The following IAH1 variants were observed in gnomAD, a reference collection of about 807,000 sequenced individuals.
IAH1 encodes isoamyl acetate-hydrolyzing esterase 1 homolog.
In IAH1, 24 loss-of-function variants were observed where a neutral mutation model predicts 26.7. The observed-to-expected ratio is 0.90, with a 90% CI of 0.65 to 1.26. The LOEUF (loss-of-function observed/expected upper bound fraction) is 1.26. IAH1 is among the 50% of genes most tolerant of loss of function. The probability of loss-of-function intolerance (pLI) is 0.00; values close to 1 mark genes in which losing one functional copy is unlikely to be tolerated. For missense variants in IAH1, 300 were observed against 299.9 expected, an observed-to-expected ratio of 1.00 and a Z score of 0.00; for synonymous variants, 140 against 118.5, an observed-to-expected ratio of 1.18 and a Z score of -1.18.
chr2:9,487,063 T>C (rs1383002687), intron 5 of IAH1, among the ~76,000 whole-genome samples: 9 of 151,852 alleles, frequency 5.9e-5, no homozygotes, highest in Admixed American at 5.3e-4. Flanking sequence ...GAGAGACCCA[T>C]CTCTACAAAA....
rs1661797366 is a variant in IAH1 at position 9,488,697 on chromosome 2, G to GTT, written c.*369_*370insTT. On this transcript the variant is annotated 3_prime_UTR_variant, in exon 6 of 6. Transcript: ENST00000497473. ...CAACCTTGTATCAAATTCCAAAAGT[G>GTT]TAACTAAAGTATAAGAATATCATGA... is the stretch of plus-strand genomic sequence containing the variant. 1.3e-5 allele frequency: 2 copies of GTT among 158,978 alleles called. No individual in the cohort carries two copies. The highest frequency in any genetic ancestry group is 1.3e-4 in the Admixed American group (2 of 15,636). The allele number at this position is 158,978 out of a possible 1,614,324, so 9.8% of individuals were successfully genotyped here. A position where few individuals can be genotyped will look rare whatever the true frequency, so the allele number is the denominator to read the frequency against.
In IAH1 at chr2:9,474,760, G is replaced by A. The variant is rs2124887812; in HGVS notation, c.81+113G>A. ...GGCGCCCGAGACGGCTGGGCCGGAG[G>A]CCTGGCCACGCCCGTGGAGACACCG... is the stretch of plus-strand genomic sequence containing the variant. On this transcript the variant is annotated intron_variant, in intron 1 of 5. Coordinates refer to ENST00000497473, the MANE Select transcript of IAH1 (RefSeq NM_001039613.3). This position sits in a 1 kb window ranked among gnomAD's most constrained non-coding sequence, Gnocchi z 4.3. The A allele has an allele frequency of 1.3e-6, 1 of 776,086 alleles. No individual in the cohort carries two copies. Among genetic ancestry groups the A allele is most frequent in the Non-Finnish European group, 1.9e-6 (1 of 526,708 alleles). The allele number at this position is 776,086 out of a possible 1,614,324, so 48.1% of individuals were successfully genotyped here.
intron 3 of IAH1, 27 bp from the exon 4 acceptor site, chr2:9,481,259 G>A: frequency 6.8e-6 from 11 of 1,612,448 alleles, no homozygotes; most frequent in Non-Finnish European, 8.5e-6. Flanking sequence ...TATGCATCTG[G>A]TGAGGACTCA....
chr2:9,481,310 C>T lies in IAH1; in HGVS notation c.308C>T (p.Pro103Leu), dbSNP rs1661154468. Residue 103 changes from proline to leucine, a missense_variant, in exon 4 of 6, where the codon CCC becomes CTC. By Grantham distance (98) the Pro-to-Leu change is moderately conservative. Transcript: ENST00000497473. ...LKDENPKQHI[P>L]LEEYAANLKS... ...GATGAGAATCCCAAGCAGCACATTC[C>T]CCTGGAGGAGTACGCTGCGAACCTA... is the stretch of plus-strand genomic sequence containing the variant. The T allele has an allele frequency of 3.1e-6, 5 of 1,614,028 alleles. No individual in the cohort carries two copies. Among genetic ancestry groups the T allele is most frequent in the Non-Finnish European group, 3.4e-6 (4 of 1,180,040 alleles).
rs1225954454 is a variant in IAH1 at position 9,494,975 on chromosome 2, T to TA, written c.*222+124dup. ...CTTCAGTGACAGAGGCCACAAGGTT[T>TA]AAAAAAAAATGCAGAGAAAAATCCA... On this transcript the variant is annotated intron_variant, in intron 6 of 6. Transcript: ENST00000481367. 6.2e-4 allele frequency: 272 copies of TA among 435,752 alleles called. 1 individual carries two copies. Among genetic ancestry groups the TA allele is most frequent in the Admixed American group, 1.6e-3 (43 of 26,118 alleles). 27.0% of individuals were successfully genotyped at this position (435,752 alleles called of 1,614,324 possible).
chr2:9,502,482 A>G, the IAH1 span, among the ~76,000 whole-genome samples: 9 of 152,162 alleles, frequency 5.9e-5, no homozygotes, highest in Non-Finnish European at 8.8e-5. Context: ...GGTCACATAA[A>G]TGCCACACTA....
At chr2:9,481,185 A>C in intron 3 of IAH1, 101 bp from the exon 4 acceptor site, 1 of 1,247,484 alleles carries the variant, frequency 8.0e-7, no homozygotes, top group Non-Finnish European at 1.1e-6. Context: ...CAATCCCCCC[A>C]GTGACATCAT....
At chr2:9,498,185 A>G (rs562754064), downstream of IAH1, among the ~76,000 whole-genome samples, 9 of 151,502 alleles carry the variant, frequency 5.9e-5, no homozygotes, top group African/African-American at 1.9e-4. Context: ...GTACGCCACC[A>G]TACCTGGCTA....
At chr2:9,478,588 C>G (rs1299543003) in intron 3 of IAH1, among the ~76,000 whole-genome samples, 1 of 152,170 alleles carries the variant, frequency 6.6e-6, no homozygotes, top group Non-Finnish European at 1.5e-5. Context: ...CCTAATCTTG[C>G]AAACAGTTAA....
At chr2:9,498,874 G>T (rs1478552463), downstream of IAH1, among the ~76,000 whole-genome samples, 1 of 152,144 alleles carries the variant, frequency 6.6e-6, no homozygotes, top group African/African-American at 2.4e-5. Context: ...CAGAGTATTA[G>T]ACAGGTAGGA....
downstream of IAH1, among the ~76,000 whole-genome samples, chr2:9,491,478 A>C (rs1477650584): frequency 2.6e-5 from 4 of 152,208 alleles, no homozygotes; most frequent in Non-Finnish European, 5.9e-5. Flanking sequence ...TGAAATGACA[A>C]ATGTCCCAGA....
Position 9,474,689 on chromosome 2 carries a change from T to A in IAH1, c.81+42T>A. ...GCTCGGCCTCCCGCCCCGGCCTCCC[T>A]GCGGGGTCGCTGCCGAGCAGGCCGA... On this transcript the variant is annotated intron_variant, in intron 1 of 5. Coordinates refer to ENST00000497473, the MANE Select transcript of IAH1 (RefSeq NM_001039613.3). This position sits in a 1 kb window ranked among gnomAD's most constrained non-coding sequence, Gnocchi z 4.3. The A allele has an allele frequency of 7.0e-7, 1 of 1,431,408 alleles. No homozygotes were observed. The highest frequency in any genetic ancestry group is 1.5e-5 in the African/African-American group (1 of 67,912). The allele number at this position is 1,431,408 out of a possible 1,614,324, so 88.7% of individuals were successfully genotyped here.
Position 9,488,830 on chromosome 2 carries a change from AG to A in IAH1, c.*502del, listed in dbSNP as rs1661817487. On this transcript the variant is annotated 3_prime_UTR_variant, in exon 6 of 6. Transcript: ENST00000497473. ...ATGGGGGGTAGGAGGAGATATGATTAGTCACAGGTTTGGTTAACTGCCCTCA... is the reference window on the plus strand; with the variant it reads ...ATGGGGGGTAGGAGGAGATATGATTATCACAGGTTTGGTTAACTGCCCTCA... 6.6e-6 allele frequency: 1 copy of A among 152,262 alleles called. No individual in the cohort carries two copies. The highest frequency in any genetic ancestry group is 2.4e-5 in the African/African-American group (1 of 41,460). The allele number at this position is 152,262 out of a possible 1,614,324, so 9.4% of individuals were successfully genotyped here. A position where few individuals can be genotyped will look rare whatever the true frequency, so the allele number is the denominator to read the frequency against.
chr2:9,481,615 A>T (rs1457905393), intron 4 of IAH1, among the ~76,000 whole-genome samples, 168 bp downstream of exon 4: 2 of 152,106 alleles, frequency 1.3e-5, no homozygotes, highest in Non-Finnish European at 2.9e-5. Flanking sequence ...CCATTATGTT[A>T]TACCTGAGAC....
At position 9,489,520 on chromosome 2, in the gene IAH1, G is replaced by A. The variant is rs556327133; in HGVS notation, c.*1191G>A. ...TTCCATAAATTCAACTGGCTACCAT[G>A]TATAGCCCTCACTGTAAGGTAGGTG... On this transcript the variant is annotated 3_prime_UTR_variant, in exon 6 of 6. Coordinates refer to ENST00000497473, the MANE Select transcript of IAH1 (RefSeq NM_001039613.3). 1 of 152,384 alleles carries A rather than the reference G, an allele frequency of 6.6e-6. No homozygotes were observed. The highest frequency in any genetic ancestry group is 1.9e-4 in the East Asian group (1 of 5,176). The allele number at this position is 152,384 out of a possible 1,614,324, so 9.4% of individuals were successfully genotyped here.
At chr2:9,511,568 C>A in the IAH1 span, among the ~76,000 whole-genome samples, 2 of 152,198 alleles carry the variant, frequency 1.3e-5, no homozygotes, top group Non-Finnish European at 2.9e-5. Context: ...TATTAGAATC[C>A]AGTTGCAGGG....
intron 3 of IAH1, among the ~76,000 whole-genome samples, chr2:9,479,334 T>G (rs1335195736): frequency 2.0e-5 from 3 of 152,122 alleles, no homozygotes; most frequent in Non-Finnish European, 4.4e-5. Flanking sequence ...AACAGGTTTA[T>G]GAAATAAAAT....
intron 4 of IAH1, among the ~76,000 whole-genome samples, chr2:9,483,599 C>T (rs979810649): frequency 2.0e-5 from 3 of 152,090 alleles, no homozygotes; most frequent in Non-Finnish European, 4.4e-5. Context: ...TCTTTAATAC[C>T]ATTCTGTAGT....
chr2:9,478,260 A>G lies in IAH1; in HGVS notation c.173A>G (p.Asn58Ser). ...CTGAATCGTGGATTTTCAGGTTACA[A>G]TACCAGGTGGGCCAAAATTATCCTT... ...DVLNRGFSGY[N>S]TRWAKIILPR... Residue 58 changes from asparagine to serine, a missense_variant, in exon 3 of 6, where the codon AAT becomes AGT. Asn to Ser is a conservative substitution (Grantham distance 46). Transcript: ENST00000497473. 1.2e-6 allele frequency: 2 copies of G among 1,613,038 alleles called. No individual in the cohort carries two copies. The highest frequency in any genetic ancestry group is 1.7e-4 in the Middle Eastern group (1 of 6,058).
Sources: gnomAD v4.1 joint callset for allele counts (sites outside exome capture counted in the v4.1 genomes callset) on GRCh38, gnomAD v4.1.1 for gene constraint, Gnocchi (gnomAD v3.1) non-coding constraint, MANE v1.5 for transcripts, NCBI Gene and HGNC (gene_info 2026-07-23, HGNC 2026-07-21) for gene names.